TXNDC16: variants seen among roughly 807,000 people sequenced by gnomAD.
The protein encoded by TXNDC16 is thioredoxin domain-containing protein 16.
In TXNDC16, 74 loss-of-function variants were observed where a neutral mutation model predicts 85.6. The observed-to-expected ratio is 0.86, with a 90% confidence interval of 0.72 to 1.05. The LOEUF (loss-of-function observed/expected upper bound fraction) is 1.05, where lower values mean the gene tolerates loss of function less well. Among genes scored for constraint, TXNDC16 ranks in the 50% least tolerant of loss-of-function variants. The pLI is 0.00. For missense variants in TXNDC16, 959 were observed against 947.0 expected, an observed-to-expected ratio of 1.01 and a Z score of -0.17; for synonymous variants, 335 against 326.5, an observed-to-expected ratio of 1.03 and a Z score of -0.28.
intron 16 of TXNDC16, among the ~76,000 whole-genome samples, chr14:52,466,339 G>C (rs2035772301): frequency 7.3e-6 from 1 of 136,622 alleles, no homozygotes; most frequent in Admixed American, 7.9e-5. Context: ...GTTGCAGTGA[G>C]CTGAGATCAC....
intron 9 of TXNDC16, among the ~76,000 whole-genome samples, chr14:52,496,143 G>T: frequency 6.7e-6 from 1 of 149,706 alleles, no homozygotes; most frequent in Non-Finnish European, 1.5e-5. Flanking sequence ...CTGGGTGACA[G>T]CACGAGACTC....
chr14:52,539,401 T>C (rs1159177542), intron 4 of TXNDC16, among the ~76,000 whole-genome samples: 2 of 152,166 alleles, frequency 1.3e-5, no homozygotes, highest in Non-Finnish European at 2.9e-5. Context: ...AACAGAAAGA[T>C]GACCACTATG....
At chr14:52,477,968 A>G (rs1017581647) in intron 14 of TXNDC16, among the ~76,000 whole-genome samples, 3 of 152,216 alleles carry the variant, frequency 2.0e-5, no homozygotes, top group African/African-American at 7.2e-5. Context: ...AATTGAAATT[A>G]TATCAAGTAC....
chr14:52,497,056 T>C (rs2036548753), intron 9 of TXNDC16, among the ~76,000 whole-genome samples: 1 of 152,086 alleles, frequency 6.6e-6, no homozygotes, highest in Non-Finnish European at 1.5e-5. Flanking sequence ...TAAGAGTAGA[T>C]ATAAAAGTGA....
chr14:52,470,776 C>A, intron 14 of TXNDC16, 96 bp from the exon 15 acceptor site: 1 of 1,175,044 alleles, frequency 8.5e-7, no homozygotes, highest in Non-Finnish European at 1.2e-6. Context: ...CTTATTTTAA[C>A]CTCTCAGCAT....
At chr14:52,442,357 C>T (rs1022747318) in intron 18 of TXNDC16, among the ~76,000 whole-genome samples, 1 of 152,154 alleles carries the variant, frequency 6.6e-6, no homozygotes, top group Non-Finnish European at 1.5e-5. Context: ...TAAGTCACCA[C>T]GGCTAAGCAG....
chr14:52,548,066 T>C (rs10143200), intron 1 of TXNDC16, among the ~76,000 whole-genome samples: 72 of 152,334 alleles, frequency 4.7e-4, no homozygotes, highest in African/African-American at 1.7e-3. Context: ...TCTGCCATGA[T>C]GACTGATTAC....
At chr14:52,527,542 T>C (rs1374712188) in intron 6 of TXNDC16, among the ~76,000 whole-genome samples, 1 of 152,190 alleles carries the variant, frequency 6.6e-6, no homozygotes, top group African/African-American at 2.4e-5. Flanking sequence ...ATAAGCACTT[T>C]ATCTTCAGAG....
At chr14:52,454,393 T>C (rs1463131449) in intron 18 of TXNDC16, among the ~76,000 whole-genome samples, 1 of 145,222 alleles carries the variant, frequency 6.9e-6, no homozygotes, top group African/African-American at 2.6e-5. Flanking sequence ...ATCATTGCAC[T>C]ACAGCCTGGG....
intron 6 of TXNDC16, among the ~76,000 whole-genome samples, chr14:52,526,945 T>C (rs2037349602): frequency 6.6e-6 from 1 of 152,148 alleles, no homozygotes; most frequent in Non-Finnish European, 1.5e-5. Context: ...GATAGCAAAA[T>C]GCACAGAAGT....
At chr14:52,474,889 A>C (rs1295757603) in intron 14 of TXNDC16, among the ~76,000 whole-genome samples, 1 of 152,204 alleles carries the variant, frequency 6.6e-6, no homozygotes, top group Non-Finnish European at 1.5e-5. Context: ...TTGCTCCAAA[A>C]CTGCAGCAAT....
chr14:52,456,305 C>T (rs2035532662), intron 17 of TXNDC16, among the ~76,000 whole-genome samples: 1 of 151,970 alleles, frequency 6.6e-6, no homozygotes, highest in Non-Finnish European at 1.5e-5. Flanking sequence ...CAGCTAGACG[C>T]ACAATGACAG....
At position 52,510,435 on chromosome 14, in the gene TXNDC16, C is replaced by T. The variant is rs1280828071; in HGVS notation, c.756+805G>A. On this transcript the variant is annotated intron_variant, in intron 9 of 20. Coordinates refer to ENST00000281741, the MANE Select transcript of TXNDC16 (RefSeq NM_020784.3). ...ATTTTCTTCTATTAAACTCAAATAA[C>T]ATTAGATATCTTTACTATAAAGTAG... Among the ~76,000 whole-genome samples, 3 of 152,168 alleles carry T rather than the reference C, an allele frequency of 2.0e-5. No individual in the cohort carries two copies. The East Asian group carries it at 5.8e-4, about 29-fold the overall frequency.
chr14:52,528,747 T>A (rs916142336), intron 6 of TXNDC16, among the ~76,000 whole-genome samples: 2 of 149,572 alleles, frequency 1.3e-5, no homozygotes, highest in African/African-American at 4.9e-5. Context: ...TTTCAATTTA[T>A]AATAAAAATC....
At chr14:52,537,466 T>C in intron 5 of TXNDC16, 133 bp downstream of exon 5, 1 of 670,370 alleles carries the variant, frequency 1.5e-6, no homozygotes, top group Non-Finnish European at 2.6e-6. Flanking sequence ...AATCTATTAC[T>C]TGGACTTTTG....
At chr14:52,447,189 A>G (rs1471578614) in intron 18 of TXNDC16, among the ~76,000 whole-genome samples, 2 of 150,208 alleles carry the variant, frequency 1.3e-5, no homozygotes. Context: ...ATCCTGAAGC[A>G]TGAGTCCCAG....
chr14:52,507,574 A>C (rs1314607375), intron 9 of TXNDC16, among the ~76,000 whole-genome samples: 1 of 152,244 alleles, frequency 6.6e-6, no homozygotes, highest in Non-Finnish European at 1.5e-5. Context: ...CTTTAAGTTC[A>C]TATGGAACCA....
intron 20 of TXNDC16, among the ~76,000 whole-genome samples, chr14:52,437,287 T>C (rs1249802091): frequency 6.6e-6 from 1 of 152,136 alleles, no homozygotes; most frequent in Non-Finnish European, 1.5e-5. Flanking sequence ...AGCATGATCT[T>C]ATATACAGAA....
intron 15 of TXNDC16, 28 bp downstream of exon 15, chr14:52,470,484 A>C (rs2140132007): frequency 6.3e-7 from 1 of 1,595,172 alleles, no homozygotes; most frequent in Middle Eastern, 1.7e-4. Flanking sequence ...AAACATTCAG[A>C]GATCTTATAA....
Sources: gnomAD v4.1 joint callset for allele counts (sites outside exome capture counted in the v4.1 genomes callset) on GRCh38, gnomAD v4.1.1 for gene constraint, MANE v1.5 for transcripts, NCBI Gene and HGNC (gene_info 2026-07-23, HGNC 2026-07-21) for gene names.